ELOC: variants seen among roughly 807,000 people sequenced by gnomAD.
ELOC encodes elongin-C.
For missense variants in ELOC, 38 were observed against 139.0 expected, an observed-to-expected ratio of 0.27 and a Z score of 3.65; for synonymous variants, 40 against 51.3, an observed-to-expected ratio of 0.78 and a Z score of 0.94.
intron 1 of ELOC, chr8:73,964,694 G>A (rs886382602): frequency 3.9e-5 from 6 of 152,084 alleles, no homozygotes; most frequent in African/African-American, 1.4e-4. Context: ...TGAAAAACTT[G>A]ATGAACTGCA....
chr8:73,953,314 C>T (rs1291540398), intron 3 of ELOC, among the ~76,000 whole-genome samples: 1 of 151,392 alleles, frequency 6.6e-6, no homozygotes, highest in Non-Finnish European at 1.5e-5. Flanking sequence ...AAAAAACAAC[C>T]ACCATCACCA....
At position 73,946,496 on chromosome 8, in the gene ELOC, G is replaced by C. The variant is rs1813391457; in HGVS notation, c.*134C>G. The C allele has an allele frequency of 1.6e-6, 1 of 606,630 alleles. No homozygotes were observed. Among genetic ancestry groups the C allele is most frequent in the Non-Finnish European group, 2.6e-6 (1 of 390,856 alleles). 37.6% of individuals were successfully genotyped at this position (606,630 alleles called of 1,614,324 possible). A position where few individuals can be genotyped will look rare whatever the true frequency, so the allele number is the denominator to read the frequency against. On this transcript the variant is annotated 3_prime_UTR_variant, in exon 4 of 4. Transcript: ENST00000520242. Reference sequence around the variant, plus strand: ...CTTTGATTGCTATGCAAAAAAACAAGATAATCTGCTTTGCAATGAACTTTA... The same window carrying C: ...CTTTGATTGCTATGCAAAAAAACAACATAATCTGCTTTGCAATGAACTTTA...
intron 3 of ELOC, among the ~76,000 whole-genome samples, chr8:73,953,016 C>G (rs1408439535): frequency 6.6e-6 from 1 of 151,900 alleles, no homozygotes; most frequent in Non-Finnish European, 1.5e-5. Flanking sequence ...ATCAAAACCA[C>G]CAGATAGGCT....
intron 1 of ELOC, among the ~76,000 whole-genome samples, chr8:73,960,866 C>G (rs1814541324): frequency 1.3e-5 from 2 of 152,112 alleles, no homozygotes; most frequent in Admixed American, 6.6e-5. Flanking sequence ...AATCCCAGCA[C>G]TTTGGATGGC....
chr8:73,959,929 A>T (rs1814476011), intron 1 of ELOC, 111 bp from the exon 2 acceptor site: 6 of 477,866 alleles, frequency 1.3e-5, no homozygotes, highest in Non-Finnish European at 1.8e-5. Flanking sequence ...CCTCCTGGTT[A>T]CATTACGAGC....
At position 73,945,702 on chromosome 8, in the gene ELOC, AAT is replaced by A. The variant is rs1349625598; in HGVS notation, c.*926_*927del. On this transcript the variant is annotated 3_prime_UTR_variant, in exon 4 of 4. Transcript: ENST00000520242. ...ATGTAGGATATCTTCAATGCATTAT[AAT>A]ATGATTTTCACTGTATCTCTTCACA... The A allele has an allele frequency of 1.3e-5, 2 of 152,220 alleles. No individual in the cohort carries two copies. The highest frequency in any genetic ancestry group is 2.1e-4 in the South Asian group (1 of 4,830). The allele number at this position is 152,220 out of a possible 1,614,324, so 9.4% of individuals were successfully genotyped here.
intron 1 of ELOC, among the ~76,000 whole-genome samples, chr8:73,968,531 T>C (rs1235429914): frequency 1.3e-5 from 2 of 152,236 alleles, no homozygotes; most frequent in Non-Finnish European, 2.9e-5. Flanking sequence ...ATTCTACATA[T>C]TAACAGAACC....
chr8:73,958,322 T>C, intron 2 of ELOC, among the ~76,000 whole-genome samples: 1 of 152,174 alleles, frequency 6.6e-6, no homozygotes, highest in East Asian at 1.9e-4. Context: ...TATTCATCTA[T>C]GTTATGTCAT....
At chr8:73,969,159 C>T (rs1815191988) in intron 1 of ELOC, among the ~76,000 whole-genome samples, 1 of 152,154 alleles carries the variant, frequency 6.6e-6, no homozygotes, top group Non-Finnish European at 1.5e-5. Context: ...CAGGTGTCTA[C>T]TAGTTATCGA....
intron 3 of ELOC, 105 bp downstream of exon 3, chr8:73,955,806 A>T: frequency 8.0e-7 from 1 of 1,243,844 alleles, no homozygotes; most frequent in East Asian, 2.4e-5. Flanking sequence ...CAACAATGTT[A>T]GAAGACTTAT....
At chr8:73,959,673 A>T in intron 2 of ELOC, 92 bp downstream of exon 2, 1 of 1,130,140 alleles carries the variant, frequency 8.8e-7, no homozygotes, top group Non-Finnish European at 1.2e-6. Flanking sequence ...AGTCTACTGA[A>T]ATTTTACTTG....
rs374676776 is a variant in ELOC at position 73,967,283 on chromosome 8, C to A, written c.-51+4794G>T. Among the ~76,000 whole-genome samples the A allele has an allele frequency of 2.0e-5, 3 of 152,140 alleles. No homozygotes were observed. In the East Asian group the frequency reaches 5.8e-4, roughly 29 times the overall value. The stretch of plus-strand genomic sequence containing the variant: ...CATTTTTAGTGTGGGGGTTGACACA[C>A]TAAAGGGCCAAAAAATAAGTATTTT... On this transcript the variant is annotated intron_variant, in intron 1 of 3. Transcript: ENST00000520242.
At chr8:73,947,915 C>T (rs1367811205) in intron 3 of ELOC, among the ~76,000 whole-genome samples, 3 of 152,166 alleles carry the variant, frequency 2.0e-5, no homozygotes, top group East Asian at 1.9e-4. Flanking sequence ...ACTTGAGGGC[C>T]GGGCGGGGTG....
intron 1 of ELOC, among the ~76,000 whole-genome samples, chr8:73,968,982 A>T (rs1815178641): frequency 6.6e-6 from 1 of 152,180 alleles, no homozygotes; most frequent in Non-Finnish European, 1.5e-5. Flanking sequence ...CTCCTCTTCT[A>T]ACTGGAGTGC....
chr8:73,958,092 G>GTTT (rs34797762), intron 2 of ELOC, among the ~76,000 whole-genome samples: 162 of 134,098 alleles, frequency 1.2e-3, no homozygotes, highest in Non-Finnish European at 1.9e-3. Context: ...TTTATTTATG[G>GTTT]TTTTTTTTTT....
intron 3 of ELOC, among the ~76,000 whole-genome samples, chr8:73,947,623 G>T (rs1813466380): frequency 6.6e-6 from 1 of 151,900 alleles, no homozygotes; most frequent in East Asian, 2.0e-4. Context: ...GCCCAGGCTG[G>T]AGTGCAGTGG....
chr8:73,959,240 C>T (rs1243667490), intron 2 of ELOC, among the ~76,000 whole-genome samples: 1 of 152,010 alleles, frequency 6.6e-6, no homozygotes, highest in Non-Finnish European at 1.5e-5. Context: ...GTAAATTTAC[C>T]TGTTGCCCAG....
chr8:73,961,757 C>G (rs1814616462), intron 1 of ELOC, among the ~76,000 whole-genome samples: 1 of 152,148 alleles, frequency 6.6e-6, no homozygotes, highest in Admixed American at 6.5e-5. Flanking sequence ...AGGTGATCCA[C>G]TTGCCTCAGC....
At chr8:73,967,711 G>A (rs1815089745) in intron 1 of ELOC, among the ~76,000 whole-genome samples, 1 of 152,136 alleles carries the variant, frequency 6.6e-6, no homozygotes, top group East Asian at 1.9e-4. Context: ...CTGGTAATCC[G>A]CTCACCTTGG....
Sources: gnomAD v4.1 joint callset for allele counts (sites outside exome capture counted in the v4.1 genomes callset) on GRCh38, gnomAD v4.1.1 for gene constraint, MANE v1.5 for transcripts, NCBI Gene and HGNC (gene_info 2026-07-23, HGNC 2026-07-21) for gene names.